Variants in WWTR1 observed in about 807,000 individuals in gnomAD.
WWTR1 encodes WW domain containing transcription regulator 1.
Under a neutral mutation model 40.1 loss-of-function variants are expected in WWTR1, and 13 were observed. That is an observed-to-expected ratio of 0.32 (90% CI 0.21 to 0.52). WWTR1 has a LOEUF of 0.52. WWTR1 is among the 20% of genes least tolerant of loss of function. The pLI is 0.97. For missense variants in WWTR1, 436 were observed against 523.1 expected (o/e 0.83, Z 1.63); for synonymous variants, 230 against 210.1 (o/e 1.09, Z -0.82).
intron 1 of WWTR1, among the ~76,000 whole-genome samples, chr3:149,695,800 T>G (rs1182736823): frequency 7.4e-6 from 1 of 135,670 alleles, no homozygotes. Flanking sequence ...AAAAAATATA[T>G]ATATATATAT....
intron 2 of WWTR1, among the ~76,000 whole-genome samples, chr3:149,594,209 C>A (rs1371262756): frequency 1.3e-5 from 2 of 151,988 alleles, no homozygotes. Flanking sequence ...ATAGCAGAAG[C>A]CTAAGAATTA....
At chr3:149,708,582 T>C (rs1715391469) in intron 5 of WWTR1, among the ~76,000 whole-genome samples, 2 of 152,368 alleles carry the variant, frequency 1.3e-5, no homozygotes, top group Admixed American at 1.3e-4. Flanking sequence ...ATTTGTCTTT[T>C]TGTGACTGAC....
chr3:149,534,174 A>G (rs1044027556), intron 4 of WWTR1, among the ~76,000 whole-genome samples: 2 of 152,190 alleles, frequency 1.3e-5, no homozygotes, highest in Admixed American at 6.5e-5. Context: ...TGTCTAAAAA[A>G]AAAGAAAGAA....
intron 4 of WWTR1, among the ~76,000 whole-genome samples, chr3:149,532,403 C>T (rs1019184937): frequency 6.6e-6 from 1 of 152,140 alleles, no homozygotes; most frequent in African/African-American, 2.4e-5. Context: ...TGAAATTCAT[C>T]ATAATGGTCA....
intron 3 of WWTR1, among the ~76,000 whole-genome samples, chr3:149,552,203 TG>T (rs1232891577): frequency 1.4e-5 from 2 of 145,148 alleles, no homozygotes; most frequent in Non-Finnish European, 3.0e-5. Flanking sequence ...AAACAAGACC[TG>T]GGAAAGAGCA....
At chr3:149,641,326 A>G (rs1560098939) in intron 2 of WWTR1, among the ~76,000 whole-genome samples, 1 of 152,196 alleles carries the variant, frequency 6.6e-6, no homozygotes, top group Non-Finnish European at 1.5e-5. Flanking sequence ...ACCAGCCACC[A>G]AGATGTTTAC....
Position 149,542,353 on chromosome 3 carries a change from T to C in WWTR1, c.753A>G (p.Gln251=). Residue 251 remains glutamine, a synonymous_variant, in exon 4 of 7, where the codon CAA becomes CAG. Coordinates refer to ENST00000360632, the MANE Select transcript of WWTR1 (RefSeq NM_015472.6). The part of the protein sequence containing the change: ...QMERERIRMR[Q]EELMRQEAAL... Reference sequence around the variant, plus strand: ...GCCATACCTGCCTCATGAGCTCCTCTTGGCGCATTCGAATCCTTTCTCTCT... The same window carrying C: ...GCCATACCTGCCTCATGAGCTCCTCCTGGCGCATTCGAATCCTTTCTCTCT... 3 of 1,613,794 alleles carry C rather than the reference T, an allele frequency of 1.9e-6. No individual in the cohort carries two copies. The highest frequency in any genetic ancestry group is 2.5e-6 in the Non-Finnish European group (3 of 1,179,894).
chr3:149,695,702 A>C (rs1424136395), intron 1 of WWTR1, among the ~76,000 whole-genome samples: 1 of 149,508 alleles, frequency 6.7e-6, no homozygotes, highest in African/African-American at 2.5e-5. Flanking sequence ...CAGAGGCTGC[A>C]GTGAGCCGAG....
chr3:149,695,774 A>C (rs1714965667), intron 1 of WWTR1, among the ~76,000 whole-genome samples: 2 of 142,662 alleles, frequency 1.4e-5, no homozygotes, highest in African/African-American at 2.6e-5. Flanking sequence ...AAAAAAAAAA[A>C]CAAGAAAAGA....
chr3:149,651,844 T>C (rs1712888347), intron 2 of WWTR1, among the ~76,000 whole-genome samples: 1 of 150,160 alleles, frequency 6.7e-6, no homozygotes, highest in Non-Finnish European at 1.5e-5. Context: ...TTTTTTTTTT[T>C]TTTGAGATGG....
At chr3:149,679,705 A>G (rs1300434310) in intron 1 of WWTR1, among the ~76,000 whole-genome samples, 1 of 152,122 alleles carries the variant, frequency 6.6e-6, no homozygotes, top group Non-Finnish European at 1.5e-5. Context: ...AATTCCTGAG[A>G]GGGAGCCAAA....
At chr3:149,565,928 C>CAAAAAAA (rs58536558) in intron 3 of WWTR1, among the ~76,000 whole-genome samples, 1 of 73,476 alleles carries the variant, frequency 1.4e-5, no homozygotes, top group Non-Finnish European at 2.8e-5. Context: ...AACTCTGTCT[C>CAAAAAAA]AAAAAAAAAA....
chr3:149,622,480 AG>A (rs1363164806), intron 2 of WWTR1, among the ~76,000 whole-genome samples: 9 of 123,248 alleles, frequency 7.3e-5, no homozygotes, highest in Non-Finnish European at 1.0e-4. Flanking sequence ...GAAGGAAGGA[AG>A]GAAGGAAGGA....
chr3:149,521,012 C>A (rs776708436), intron 6 of WWTR1, 23 bp from the exon 7 acceptor site: 1 of 1,550,816 alleles, frequency 6.4e-7, no homozygotes, highest in Non-Finnish European at 8.7e-7. Context: ...GAAAAGAAAC[C>A]ATTTTAATTC....
At chr3:149,592,628 T>C (rs1304919147) in intron 2 of WWTR1, among the ~76,000 whole-genome samples, 3 of 152,222 alleles carry the variant, frequency 2.0e-5, no homozygotes, top group Non-Finnish European at 4.4e-5. Context: ...TATATATACA[T>C]ATGTAAAACA....
Position 149,572,975 on chromosome 3 carries a change from GC to G in WWTR1, c.456del (p.Trp152CysfsTer8). 6.3e-7 allele frequency: 1 copy of G among 1,593,534 alleles called. No homozygotes were observed. Among genetic ancestry groups the G allele is most frequent in the Non-Finnish European group, 8.5e-7 (1 of 1,175,048 alleles). On this transcript the variant is annotated frameshift_variant, in exon 3 of 7. Coordinates refer to ENST00000360632, the MANE Select transcript of WWTR1 (RefSeq NM_015472.6). LOFTEE classifies it high-confidence loss of function. The stretch of plus-strand genomic sequence containing the variant: ...TGATTCATCGCCTTCCTAGGGTCTT[GC>G]CATGTGGTGATTTTTTCTATGTGAC... ...FLNHIEKITTWQDPRKAMNQP... is the reference protein window; with the variant it reads ...FLNHIEKITTXQDPRKAMNQP...
At chr3:149,574,458 C>G (rs1001187587) in intron 2 of WWTR1, among the ~76,000 whole-genome samples, 1 of 152,152 alleles carries the variant, frequency 6.6e-6, no homozygotes, top group Non-Finnish European at 1.5e-5. Flanking sequence ...AGGCCCCCAC[C>G]ATTGACCTTC....
intron 2 of WWTR1, among the ~76,000 whole-genome samples, chr3:149,629,120 G>C (rs1188967166): frequency 1.3e-5 from 2 of 152,150 alleles, no homozygotes; most frequent in Non-Finnish European, 2.9e-5. Context: ...GAAAGGTTCA[G>C]AGAAAAAACA....
intron 2 of WWTR1, among the ~76,000 whole-genome samples, chr3:149,664,573 T>G (rs1485460237): frequency 2.0e-5 from 3 of 152,002 alleles, no homozygotes; most frequent in Non-Finnish European, 4.4e-5. Context: ...ATGATAATGA[T>G]GATGGAAGGC....
Sources: allele counts gnomAD v4.1 joint callset (sites outside exome capture counted in the v4.1 genomes callset), GRCh38; gene constraint gnomAD v4.1.1; transcripts MANE v1.5; gene names NCBI Gene and HGNC (gene_info 2026-07-23, HGNC 2026-07-21).